Variants in PIP5K1A observed in about 807,000 individuals in gnomAD.
The protein encoded by PIP5K1A is phosphatidylinositol 4-phosphate 5-kinase type-1 alpha.
In PIP5K1A, 46 loss-of-function variants were observed where a neutral mutation model predicts 72.9. The ratio of observed to expected loss-of-function variants is 0.63; its 90% confidence interval spans 0.50 to 0.81. The LOEUF (loss-of-function observed/expected upper bound fraction) is 0.81. Among genes scored for constraint, PIP5K1A ranks in the 30% least tolerant of loss-of-function variants. PIP5K1A has a pLI of 0.00. For synonymous variants in PIP5K1A, 228 were observed against 255.1 expected, an observed-to-expected ratio of 0.89 and a Z score of 1.01; for missense variants, 458 against 706.1, an observed-to-expected ratio of 0.65 and a Z score of 3.98.
upstream of PIP5K1A, chr1:151,198,478 T>C (rs587609076): frequency 9.4e-4 from 183 of 195,306 alleles, no homozygotes; most frequent in Non-Finnish European, 1.3e-3. Context: ...AGCCTCCCGA[T>C]TGGTTTTGCT....
chr1:151,214,179 TA>T (rs1687252098), intron 1 of PIP5K1A, among the ~76,000 whole-genome samples: 1 of 152,166 alleles, frequency 6.6e-6, no homozygotes, highest in African/African-American at 2.4e-5. Flanking sequence ...ATTGTTCACT[TA>T]GATTCTTTCC....
intron 8 of PIP5K1A, among the ~76,000 whole-genome samples, chr1:151,235,351 A>G (rs1233805728): frequency 6.6e-6 from 1 of 152,164 alleles, no homozygotes; most frequent in Non-Finnish European, 1.5e-5. Flanking sequence ...CCAAAGTGCT[A>G]GGATTACAGG....
In PIP5K1A at chr1:151,199,091, G is replaced by T; in HGVS notation, c.85+10G>T. On this transcript the variant is annotated intron_variant, in intron 1 of 15. Transcript: ENST00000368888. ...TGTACCTTGTCCTCAGGTAAGCCCG[G>T]CAGGGCGTGGGTAGGGAGCTGGTGA... The T allele has an allele frequency of 1.2e-6, 2 of 1,613,978 alleles. No homozygotes were observed.
chr1:151,248,026 G>A lies in PIP5K1A; in HGVS notation c.*161G>A. ...GCTCCTCCATCTTCTTCCTGAAGAA[G>A]AACCTTCTCTCCTTCCTCTTCCTCA... On this transcript the variant is annotated 3_prime_UTR_variant, in exon 16 of 16. Transcript: ENST00000368888. 1.5e-6 allele frequency: 1 copy of A among 681,044 alleles called. No individual in the cohort carries two copies. The highest frequency in any genetic ancestry group is 1.6e-5 in the South Asian group (1 of 61,222). 42.2% of individuals were successfully genotyped at this position (681,044 alleles called of 1,614,324 possible).
chr1:151,241,808 A>G (rs1691753970), intron 12 of PIP5K1A, among the ~76,000 whole-genome samples: 1 of 152,104 alleles, frequency 6.6e-6, no homozygotes, highest in Non-Finnish European at 1.5e-5. Flanking sequence ...CTCAAAAAAA[A>G]AAAAAAAAAG....
chr1:151,245,200 A>C (rs974984406), intron 14 of PIP5K1A, among the ~76,000 whole-genome samples: 4 of 152,198 alleles, frequency 2.6e-5, no homozygotes, highest in Non-Finnish European at 5.9e-5. Flanking sequence ...TGGCACCTTC[A>C]GGACTTTGCT....
chr1:151,216,900 G>GTTTTTTT lies in PIP5K1A; in HGVS notation c.86-7321_86-7315dup, dbSNP rs78155966. On this transcript the variant is annotated intron_variant, in intron 1 of 15. Transcript: ENST00000368888. Reference sequence around the variant, plus strand: ...ACCCAAGGTTACCTACTTAGTAAATGTTTTTTTTTTTTTTTTTTTTTTTTT... The same window carrying GTTTTTTT: ...ACCCAAGGTTACCTACTTAGTAAATGTTTTTTTTTTTTTTTTTTTTTTTTTTTTTTTT... Among the ~76,000 whole-genome samples the GTTTTTTT allele has an allele frequency of 9.5e-4, 130 of 136,744 alleles. 5 individuals are homozygous for GTTTTTTT. Among genetic ancestry groups the GTTTTTTT allele is most frequent in the African/African-American group, 3.3e-3 (121 of 36,526 alleles). 89.7% of individuals were successfully genotyped at this position (136,744 alleles called of 152,430 possible).
At chr1:151,204,858 G>C (rs1021468394) in intron 1 of PIP5K1A, among the ~76,000 whole-genome samples, 1 of 152,122 alleles carries the variant, frequency 6.6e-6, no homozygotes, top group African/African-American at 2.4e-5. Flanking sequence ...TAGTCTAATA[G>C]GTATCCAGTT....
At chr1:151,219,533 A>T (rs587609516) in intron 1 of PIP5K1A, among the ~76,000 whole-genome samples, 32 of 142,986 alleles carry the variant, frequency 2.2e-4, no homozygotes, top group East Asian at 9.9e-4. Flanking sequence ...CAAAAAATTT[A>T]AAAAAAAAAA....
At chr1:151,234,575 A>C (rs893756907) in intron 8 of PIP5K1A, 79 bp downstream of exon 8, 3 of 1,141,230 alleles carry the variant, frequency 2.6e-6, no homozygotes, top group Non-Finnish European at 4.0e-6. Flanking sequence ...TTTGTGGGAG[A>C]TGGAACTCTG....
At position 151,244,372 on chromosome 1, in the gene PIP5K1A, G is replaced by A. The variant is rs146153987; in HGVS notation, c.1640+1805G>A. Among the ~76,000 whole-genome samples the A allele has an allele frequency of 1.5e-3, 231 of 152,314 alleles. 1 individual carries two copies. The highest frequency in any genetic ancestry group is 5.4e-3 in the African/African-American group (225 of 41,576). On this transcript the variant is annotated intron_variant, in intron 14 of 15. Transcript: ENST00000368888. ...AGGAATGATTTAAAGTATATGGAGG[G>A]CCAGGCGTGATGGCTCACGCCTGTA...
intron 15 of PIP5K1A, 44 bp downstream of exon 15, chr1:151,247,009 T>C (rs1438365215): frequency 6.9e-7 from 1 of 1,452,412 alleles, no homozygotes; most frequent in Admixed American, 1.7e-5. Flanking sequence ...TTGCAAGGTA[T>C]AAAGAGGATC....
intron 10 of PIP5K1A, 36 bp downstream of exon 10, chr1:151,238,301 G>A (rs1691170358): frequency 7.5e-7 from 1 of 1,340,066 alleles, no homozygotes; most frequent in Non-Finnish European, 1.1e-6. Context: ...AAGAGAGGGT[G>A]GATACAGATA....
chr1:151,233,622 T>C (rs1383458286), intron 7 of PIP5K1A: 1 of 152,386 alleles, frequency 6.6e-6, no homozygotes, highest in African/African-American at 2.4e-5. Flanking sequence ...AAATTTTTAG[T>C]AGAGATGAGG....
chr1:151,247,909 G>C lies in PIP5K1A; in HGVS notation c.*44G>C. ...CCTGGAACAAGATTCTGCCATCTCT[G>C]TGATCCCAAGATGTCAGCCCTTGCC... On this transcript the variant is annotated 3_prime_UTR_variant, in exon 16 of 16. Transcript: ENST00000368888. 1 of 1,581,016 alleles carries C rather than the reference G, an allele frequency of 6.3e-7. No homozygotes were observed. The highest frequency in any genetic ancestry group is 1.1e-5 in the South Asian group (1 of 90,348).
intron 1 of PIP5K1A, among the ~76,000 whole-genome samples, chr1:151,221,664 T>C (rs1185277929): frequency 6.6e-6 from 1 of 152,232 alleles, no homozygotes; most frequent in East Asian, 1.9e-4. Context: ...GGGTATGGAT[T>C]ACAAAACGAT....
chr1:151,231,701 C>T lies in PIP5K1A; in HGVS notation c.268C>T (p.Gln90Ter). The stretch of plus-strand genomic sequence containing the variant: ...CTCATCAGCCTTGAAAGGTGCCATC[C>T]AGTTAGGCATTACCCACACTGTGGG... ...TTSSALKGAIQLGITHTVGSL... is the reference protein window; with the variant it reads ...TTSSALKGAI Residue 90 changes from glutamine (Q) to a stop codon, truncating the protein, a stop_gained, in exon 5 of 16, where the codon CAG becomes TAG. Coordinates refer to ENST00000368888, the MANE Select transcript of PIP5K1A (RefSeq NM_001135638.2). LOFTEE classifies it high-confidence loss of function. The T allele has an allele frequency of 6.2e-7, 1 of 1,613,746 alleles. No individual in the cohort carries two copies. The highest frequency in any genetic ancestry group is 8.5e-7 in the Non-Finnish European group (1 of 1,179,682).
At chr1:151,207,810 G>C (rs1166677854) in intron 1 of PIP5K1A, among the ~76,000 whole-genome samples, 1 of 151,792 alleles carries the variant, frequency 6.6e-6, no homozygotes, top group East Asian at 1.9e-4. Flanking sequence ...GATGATTACG[G>C]GCATGAGGCA....
chr1:151,220,664 G>A (rs587612372), intron 1 of PIP5K1A, among the ~76,000 whole-genome samples: 25 of 152,030 alleles, frequency 1.6e-4, no homozygotes, highest in African/African-American at 5.3e-4. Context: ...ATGGGGTTTC[G>A]CCATGTTGGC....
Sources: allele counts gnomAD v4.1 joint callset (sites outside exome capture counted in the v4.1 genomes callset), GRCh38; gene constraint gnomAD v4.1.1; transcripts MANE v1.5; gene names NCBI Gene and HGNC (gene_info 2026-07-23, HGNC 2026-07-21).